The following TPM2 variants were observed in gnomAD, a reference collection of about 807,000 sequenced individuals.
The protein encoded by TPM2 is tropomyosin beta chain.
TPM2 carries 26 observed loss-of-function variants against 41.0 expected under a neutral mutation model. The ratio of observed to expected loss-of-function variants is 0.63; its 90% CI spans 0.46 to 0.88. TPM2 has a LOEUF of 0.88. TPM2 is among the 40% of genes least tolerant of loss of function. TPM2 has a pLI of 0.00. For synonymous variants in TPM2, 143 were observed against 139.3 expected (o/e 1.03, Z -0.19); for missense variants, 187 against 355.2 (o/e 0.53, Z 3.81).
intron 2 of TPM2, 125 bp downstream of exon 2, chr9:35,688,995 TACCCTAGCCCTGGTTACTGAGATGAA>T (rs1362377113): frequency 2.2e-6 from 2 of 913,008 alleles, no homozygotes; most frequent in Non-Finnish European, 3.5e-6. Flanking sequence ...TGTGTAAGTT[TACCCTAGCCCTGGTTACTGAGATGAA>T]ACCATTTCTC....
intron 8 of TPM2, 41 bp downstream of exon 8, chr9:35,684,205 A>T: frequency 6.3e-7 from 1 of 1,594,638 alleles, no homozygotes; most frequent in Non-Finnish European, 8.6e-7. Context: ...CAGACTGATA[A>T]TCACGGCAGG....
intron 2 of TPM2, 104 bp downstream of exon 2, chr9:35,689,041 TG>T: frequency 7.4e-7 from 1 of 1,345,264 alleles, no homozygotes; most frequent in Non-Finnish European, 1.1e-6. Flanking sequence ...CTCCTGGCGC[TG>T]GGGACATAAG....
chr9:35,687,570 A>G (rs2131858824), intron 2 of TPM2, among the ~76,000 whole-genome samples: 1 of 152,146 alleles, frequency 6.6e-6, no homozygotes, highest in East Asian at 1.9e-4. Flanking sequence ...AGTAGATGGT[A>G]GCTTGTCTTC....
chr9:35,684,334 T>A lies in TPM2; in HGVS notation c.703-19A>T, dbSNP rs1824747415. 1.2e-6 allele frequency: 2 copies of A among 1,614,048 alleles called. No individual in the cohort carries two copies. Among genetic ancestry groups the A allele is most frequent in the Middle Eastern group, 1.7e-4 (1 of 6,016 alleles). On this transcript the variant is annotated intron_variant, in intron 7 of 8. Coordinates refer to ENST00000645482, the MANE Select transcript of TPM2 (RefSeq NM_003289.4). ...TCTCAGCCTGGGGGTAAAGGCAGGA[T>A]GGGAGAAATGGCAAAGAATTAGGCC...
At chr9:35,682,873 C>A, downstream of TPM2, 1 of 1,456,080 alleles carries the variant, frequency 6.9e-7, no homozygotes, top group South Asian at 1.2e-5. Context: ...CAGGAGTGAA[C>A]CAGTGCTCCG....
chr9:35,685,918 C>T lies in TPM2; in HGVS notation c.241-138G>A, dbSNP rs1219677729. Reference sequence around the variant, plus strand: ...CTAGACATTCTATGTGATTTTTCCCCAACCAATCATCTTCTGCCCAGACTG... The same window carrying T: ...CTAGACATTCTATGTGATTTTTCCCTAACCAATCATCTTCTGCCCAGACTG... On this transcript the variant is annotated intron_variant, in intron 2 of 8. Transcript: ENST00000645482. This position sits in a 1 kb window ranked among gnomAD's most constrained non-coding sequence, Gnocchi z 5.0. 2.8e-6 allele frequency: 4 copies of T among 1,425,464 alleles called. No homozygotes were observed. Among genetic ancestry groups the T allele is most frequent in the Non-Finnish European group, 3.9e-6 (4 of 1,034,210 alleles). 88.3% of individuals were successfully genotyped at this position (1,425,464 alleles called of 1,614,324 possible).
In TPM2 at chr9:35,684,762, G is replaced by A; in HGVS notation, c.609C>T (p.Asn203=). The A allele has an allele frequency of 1.9e-6, 3 of 1,613,916 alleles. No individual in the cohort carries two copies. Among genetic ancestry groups the A allele is most frequent in the Non-Finnish European group, 1.7e-6 (2 of 1,180,002 alleles). The change falls in exon 6 of 9, where the codon AAC becomes AAT. Residue 203 remains asparagine (N), a synonymous_variant. Transcript: ENST00000645482. ...CCGCCTGGGCCTCCAGGGATTTCAA[G>A]TTGTTGGTAACAATTTTCAGCTCCT... ...LEEELKIVTN[N]LKSLEAQADK...
In TPM2 at chr9:35,685,799, G is replaced by C. The variant is rs776041348; in HGVS notation, c.241-19C>G. The C allele has an allele frequency of 2.5e-6, 4 of 1,613,948 alleles. No individual in the cohort carries two copies. The highest frequency in any genetic ancestry group is 1.1e-5 in the South Asian group (1 of 91,072). ...CCTCAGCCTGTGGGTCAGAGGTCAG[G>C]GGTCAAAAAGGCCTTGTTAGCCTTG... On this transcript the variant is annotated intron_variant, in intron 2 of 8. Transcript: ENST00000645482. The surrounding 1 kb of genome is among the most constrained non-coding windows in gnomAD (Gnocchi z 5.0).
chr9:35,689,301 C>A (rs1563931970), intron 1 of TPM2, 30 bp from the exon 2 acceptor site: 1 of 1,613,548 alleles, frequency 6.2e-7, no homozygotes, highest in Non-Finnish European at 8.5e-7. Flanking sequence ...GTCAGCCAGG[C>A]TGGGAGGGGG....
intron 5 of TPM2, 144 bp from the exon 6 acceptor site, chr9:35,684,951 A>G: frequency 6.2e-7 from 1 of 1,611,736 alleles, no homozygotes; most frequent in Non-Finnish European, 8.5e-7. Context: ...CAGAAGCCCC[A>G]GGCCCTTCCT....
upstream of TPM2, chr9:35,689,934 C>A: frequency 6.3e-7 from 1 of 1,587,430 alleles, no homozygotes; most frequent in South Asian, 1.1e-5. Context: ...CTGGGACGTC[C>A]CGGCCACGCG....
At chr9:35,686,079 T>G (rs1176264131) in intron 2 of TPM2, among the ~76,000 whole-genome samples, 1 of 152,096 alleles carries the variant, frequency 6.6e-6, no homozygotes, top group Non-Finnish European at 1.5e-5. Flanking sequence ...GGTGAAACTC[T>G]GTCTCTATTA....
At chr9:35,682,169 AG>A (rs1186081707), downstream of TPM2, 1 of 1,613,826 alleles carries the variant, frequency 6.2e-7, no homozygotes, top group Admixed American at 1.7e-5. Flanking sequence ...GGTCTCTGTG[AG>A]GGGAAGCAGC....
In TPM2 at chr9:35,689,762, A is replaced by T; in HGVS notation, c.56T>A (p.Ile19Asn). ...QMLKLDKENA[I>N]DRAEQAEADK... ...GGCTTCGGCCTGCTCGGCGCGGTCG[A>T]TGGCGTTCTCCTTGTCCAGCTTCAG... The change falls in exon 1 of 9, where the codon ATC becomes AAC. Residue 19 changes from isoleucine to asparagine, a missense_variant. Physicochemically the swap from Ile to Asn is moderately radical, Grantham distance 149 (BLOSUM62 -3). Transcript: ENST00000645482. 1 of 1,613,714 alleles carries T rather than the reference A, an allele frequency of 6.2e-7. No homozygotes were observed. Among genetic ancestry groups the T allele is most frequent in the African/African-American group, 1.3e-5 (1 of 75,008 alleles).
chr9:35,685,692 AG>A lies in TPM2; in HGVS notation c.328del (p.Leu110CysfsTer18), dbSNP rs769763532. ...DRAQERLATALQKLEEAEKAA... is the reference protein window; with the variant it reads ...DRAQERLATAXQKLEEAEKAA... ...CTTCTCGGCCTCCTCCAGCTTCTGC[AG>A]GGCTGTAGCCAGGCGCTCCTGGGCC... On this transcript the variant is annotated frameshift_variant, in exon 3 of 9. Transcript: ENST00000645482. LOFTEE classifies it high-confidence loss of function. This position sits in a 1 kb window ranked among gnomAD's most constrained non-coding sequence, Gnocchi z 5.0. 1 of 1,613,974 alleles carries A rather than the reference AG, an allele frequency of 6.2e-7. No individual in the cohort carries two copies.
downstream of TPM2, chr9:35,682,699 C>T (rs1423046915): frequency 1.5e-6 from 2 of 1,313,338 alleles, no homozygotes; most frequent in Admixed American, 2.3e-5. Context: ...GGATTGGCAC[C>T]AGAGGCGGTC....
chr9:35,685,014 T>G lies in TPM2; in HGVS notation c.564-207A>C, dbSNP rs372304548. 1 of 1,613,924 alleles carries G rather than the reference T, an allele frequency of 6.2e-7. No individual in the cohort carries two copies. Among genetic ancestry groups the G allele is most frequent in the Non-Finnish European group, 8.5e-7 (1 of 1,179,966 alleles). ...CTGCGGTGCTGAGACGGAGGGAAGG[T>G]GAGCTGAGAGAAGGCGCCATTGCCC... is the stretch of plus-strand genomic sequence containing the variant. On this transcript the variant is annotated intron_variant, in intron 5 of 8. Coordinates refer to ENST00000645482, the MANE Select transcript of TPM2 (RefSeq NM_003289.4). This position sits in a 1 kb window ranked among gnomAD's most constrained non-coding sequence, Gnocchi z 5.0.
rs201633747 is a variant in TPM2, at chr9:35,685,252, C to T, written c.563+17G>A. ...CCAGGGCCAATGGGCTCACTTGTCA[C>T]CCCCGGGTATCTTTACCTCTCGGCC... On this transcript the variant is annotated intron_variant, in intron 5 of 8. Coordinates refer to ENST00000645482, the MANE Select transcript of TPM2 (RefSeq NM_003289.4). This position sits in a 1 kb window ranked among gnomAD's most constrained non-coding sequence, Gnocchi z 5.0. The T allele has an allele frequency of 1.0e-4, 167 of 1,614,212 alleles. No homozygotes were observed. The African/African-American group carries it at 2.1e-3, about 20-fold the overall frequency.
At chr9:35,689,646 G>T (rs1226632552) in intron 1 of TPM2, 58 bp downstream of exon 1, 1 of 1,603,456 alleles carries the variant, frequency 6.2e-7, no homozygotes, top group East Asian at 2.2e-5. Flanking sequence ...ACCCATGGCA[G>T]CGGCCCACCC....
Sources: allele counts gnomAD v4.1 joint callset (sites outside exome capture counted in the v4.1 genomes callset), GRCh38; gene constraint gnomAD v4.1.1; non-coding constraint Gnocchi (gnomAD v3.1); transcripts MANE v1.5; gene names NCBI Gene and HGNC (gene_info 2026-07-23, HGNC 2026-07-21).